The following PPFIBP2 variants were observed in gnomAD, a reference collection of about 807,000 sequenced individuals.
PPFIBP2 encodes the protein PPFIB scaffold protein 2, also known as liprin-beta-2.
A neutral mutation model predicts 118.3 loss-of-function variants in PPFIBP2; 118 were observed. That is an observed-to-expected ratio of 1.00 (90% CI 0.86 to 1.16). PPFIBP2 has a LOEUF of 1.16. Among genes scored for constraint, PPFIBP2 ranks in the 50% most tolerant of loss-of-function variants. PPFIBP2 has a pLI of 0.00. For synonymous variants in PPFIBP2, 414 were observed against 397.4 expected, an observed-to-expected ratio of 1.04 and a Z score of -0.50; for missense variants, 1,195 against 1,073.1, an observed-to-expected ratio of 1.11 and a Z score of -1.59.
the PPFIBP2 span, chr11:7,665,640 G>A: frequency 2.2e-6 from 3 of 1,347,640 alleles, no homozygotes; most frequent in African/African-American, 4.4e-5. Flanking sequence ...CCAGGGAGGA[G>A]GTGACAAGCT....
At chr11:7,633,009 T>TGAC (rs1284836713) in intron 12 of PPFIBP2, 75 bp downstream of exon 12, 10 of 1,345,712 alleles carry the variant, frequency 7.4e-6, no homozygotes, top group Non-Finnish European at 1.1e-5. Context: ...TAGATGGTGA[T>TGAC]GACCGTGAAT....
chr11:7,664,759 T>A, the PPFIBP2 span, among the ~76,000 whole-genome samples: 4 of 151,434 alleles, frequency 2.6e-5, no homozygotes, highest in African/African-American at 9.8e-5. Flanking sequence ...CAGTGAAGGA[T>A]CCCCAAGGAG....
At chr11:7,637,374 C>T (rs999929197) in intron 14 of PPFIBP2, among the ~76,000 whole-genome samples, 1 of 152,212 alleles carries the variant, frequency 6.6e-6, no homozygotes, top group South Asian at 2.1e-4. Context: ...ATTTCCTGTG[C>T]TTCTCCTTAT....
chr11:7,549,375 C>CAATCTT, intron 1 of PPFIBP2, 65 bp from the exon 2 acceptor site: 1 of 1,391,500 alleles, frequency 7.2e-7, no homozygotes, highest in Non-Finnish European at 9.9e-7. Context: ...AAGATTTTTG[C>CAATCTT]GATCTTGTGT....
the PPFIBP2 span, chr11:7,665,051 G>A: frequency 3.1e-5 from 6 of 195,256 alleles, no homozygotes; most frequent in African/African-American, 9.3e-5. Flanking sequence ...GCCAGGCCAC[G>A]GCCTCCTGAC....
At chr11:7,645,158 C>A (rs1368809082) in intron 17 of PPFIBP2, among the ~76,000 whole-genome samples, 1 of 150,500 alleles carries the variant, frequency 6.6e-6, no homozygotes, top group African/African-American at 2.4e-5. Context: ...GTTAGGGCAG[C>A]TGTGGGGGTT....
chr11:7,619,936 A>G (rs1359493662), intron 6 of PPFIBP2, among the ~76,000 whole-genome samples: 3 of 152,228 alleles, frequency 2.0e-5, no homozygotes, highest in Non-Finnish European at 4.4e-5. Context: ...CAGAAAGCCT[A>G]TGGAAGTAAT....
At chr11:7,640,017 T>G in intron 15 of PPFIBP2, 147 bp downstream of exon 15, 1 of 992,296 alleles carries the variant, frequency 1.0e-6, no homozygotes, top group Non-Finnish European at 1.3e-6. Context: ...CTTGGGGTGG[T>G]CCCACCTCCC....
intron 7 of PPFIBP2, among the ~76,000 whole-genome samples, chr11:7,624,837 C>G (rs1849774783): frequency 6.6e-6 from 1 of 152,160 alleles, no homozygotes; most frequent in Non-Finnish European, 1.5e-5. Flanking sequence ...TAGTTTTTCC[C>G]ATTTTATAGA....
At chr11:7,533,787 G>A (rs1206387603) in intron 1 of PPFIBP2, among the ~76,000 whole-genome samples, 1 of 152,252 alleles carries the variant, frequency 6.6e-6, no homozygotes, top group African/African-American at 2.4e-5. Context: ...ACGTGGTCCA[G>A]TGAAGCTGGA....
chr11:7,534,659 G>A (rs973728790), intron 1 of PPFIBP2, among the ~76,000 whole-genome samples: 1 of 152,208 alleles, frequency 6.6e-6, no homozygotes, highest in Non-Finnish European at 1.5e-5. Flanking sequence ...GGTGTGGACA[G>A]GGGAGAGAAT....
downstream of PPFIBP2, chr11:7,655,377 C>T (rs753040057): frequency 3.2e-6 from 4 of 1,238,038 alleles, no homozygotes; most frequent in Non-Finnish European, 4.2e-6. Context: ...CATGCCATCT[C>T]TCTGAATCAC....
chr11:7,661,895 T>C (rs1447001381), downstream of PPFIBP2, among the ~76,000 whole-genome samples: 3 of 125,684 alleles, frequency 2.4e-5, no homozygotes, highest in East Asian at 2.1e-4. Context: ...CCTTTACCAT[T>C]ATGTAATGGC....
chr11:7,525,721 TA>T (rs1850173902), intron 1 of PPFIBP2, among the ~76,000 whole-genome samples: 1 of 152,220 alleles, frequency 6.6e-6, no homozygotes, highest in South Asian at 2.1e-4. Flanking sequence ...GTGAGTGTCC[TA>T]CCCATCTATG....
At chr11:7,665,970 G>A in the PPFIBP2 span, 1 of 1,488,268 alleles carries the variant, frequency 6.7e-7, no homozygotes, top group Non-Finnish European at 9.1e-7. Context: ...GCCGGGAGCA[G>A]TGTGAGAGGC....
At chr11:7,581,820 T>TATAG (rs527705965) in intron 3 of PPFIBP2, among the ~76,000 whole-genome samples, 49 of 152,106 alleles carry the variant, frequency 3.2e-4, no homozygotes, top group African/African-American at 6.8e-4. Context: ...TAAACAATTC[T>TATAG]ATAGATAGAT....
chr11:7,606,882 A>G (rs1050177040), intron 5 of PPFIBP2, among the ~76,000 whole-genome samples: 1 of 116,314 alleles, frequency 8.6e-6, no homozygotes, highest in African/African-American at 3.1e-5. Flanking sequence ...ACAAAACTGC[A>G]TGAATTTTTT....
chr11:7,610,177 A>G, intron 5 of PPFIBP2, 114 bp from the exon 6 acceptor site: 10 of 1,329,604 alleles, frequency 7.5e-6, no homozygotes, highest in Non-Finnish European at 1.1e-5. Flanking sequence ...AGCAGTCTCA[A>G]TTCTGTGTTG....
At chr11:7,567,120 A>G (rs140297800) in intron 3 of PPFIBP2, among the ~76,000 whole-genome samples, 9 of 152,174 alleles carry the variant, frequency 5.9e-5, no homozygotes, top group East Asian at 1.9e-4. Context: ...AGTCTTTCCT[A>G]TTTTGGTTTC....
Sources: allele counts gnomAD v4.1 joint callset (sites outside exome capture counted in the v4.1 genomes callset), GRCh38; gene constraint gnomAD v4.1.1; transcripts MANE v1.5; gene names NCBI Gene and HGNC (gene_info 2026-07-23, HGNC 2026-07-21).